Variants in SMOC1 observed in about 807,000 individuals in gnomAD.
SMOC1 encodes the protein SPARC-related modular calcium-binding protein 1.
Under a neutral mutation model 56.3 loss-of-function variants are expected in SMOC1, and 22 were observed. That is an observed-to-expected ratio of 0.39 (90% confidence interval 0.28 to 0.56). SMOC1 has a LOEUF of 0.56. SMOC1 is among the 20% of genes least tolerant of loss of function. SMOC1 has a pLI of 0.61. For synonymous variants in SMOC1, 193 were observed against 215.0 expected (o/e 0.90, Z 0.89); for missense variants, 509 against 565.4 (o/e 0.90, Z 1.01).
At chr14:69,954,027 A>G (rs889995958) in intron 3 of SMOC1, among the ~76,000 whole-genome samples, 1 of 122,846 alleles carries the variant, frequency 8.1e-6, no homozygotes, top group Non-Finnish European at 1.7e-5. Flanking sequence ...GTGTGTGTGT[A>G]TACACATACA....
chr14:69,977,153 G>C, intron 4 of SMOC1, among the ~76,000 whole-genome samples: 1 of 152,228 alleles, frequency 6.6e-6, no homozygotes. Flanking sequence ...ACATGGATTA[G>C]GGAAATAGAG....
intron 1 of SMOC1, among the ~76,000 whole-genome samples, chr14:69,941,247 G>A (rs1455260858): frequency 6.6e-6 from 1 of 152,202 alleles, no homozygotes; most frequent in Non-Finnish European, 1.5e-5. Flanking sequence ...ATAGGATTTG[G>A]TTCTTGGTGC....
At chr14:69,914,646 G>A (rs563794694) in intron 1 of SMOC1, among the ~76,000 whole-genome samples, 3 of 152,304 alleles carry the variant, frequency 2.0e-5, no homozygotes, top group Admixed American at 6.5e-5. Context: ...ATTATCATGC[G>A]AGAAGATGCC....
At chr14:69,954,818 A>G (rs1381115576) in intron 3 of SMOC1, among the ~76,000 whole-genome samples, 1 of 152,170 alleles carries the variant, frequency 6.6e-6, no homozygotes, top group Non-Finnish European at 1.5e-5. Context: ...TTCTCGATCA[A>G]TGTGGCAAAG....
chr14:70,003,914 A>T (rs1885060813), intron 7 of SMOC1, among the ~76,000 whole-genome samples: 1 of 152,144 alleles, frequency 6.6e-6, no homozygotes, highest in Non-Finnish European at 1.5e-5. Context: ...TACATATACA[A>T]CCAGTAATAT....
intron 1 of SMOC1, among the ~76,000 whole-genome samples, chr14:69,919,852 A>G (rs35494931): frequency 0.082 from 12,407 of 151,860 alleles, 633 homozygotes; most frequent in Non-Finnish European, 0.12. Flanking sequence ...TTGGGTAAAG[A>G]TTATCCAATA....
Position 69,953,427 on chromosome 14 carries a change from C to G in SMOC1, c.273C>G (p.Gly91=). The G allele has an allele frequency of 6.2e-7, 1 of 1,614,144 alleles. No homozygotes were observed. Among genetic ancestry groups the G allele is most frequent in the Non-Finnish European group, 8.5e-7 (1 of 1,179,948 alleles). The change falls in exon 3 of 12, where the codon GGC becomes GGG. Residue 91 remains glycine (G), a synonymous_variant. Transcript: ENST00000361956. ...VVHRGRCKDA[G]QSKCRLERAQ... is the part of the protein sequence containing the mutation. ...GCTCCTCTCCTCTTTCAGATGCTGG[C>G]CAGAGCAAGTGTCGCCTGGAGCGGG...
chr14:70,014,477 T>C (rs1449661089), intron 10 of SMOC1, among the ~76,000 whole-genome samples: 1 of 152,132 alleles, frequency 6.6e-6, no homozygotes, highest in Non-Finnish European at 1.5e-5. Context: ...TCCAAGAAAG[T>C]GCATGTCTGT....
chr14:69,925,668 T>C (rs1884990761), intron 1 of SMOC1, among the ~76,000 whole-genome samples: 1 of 152,142 alleles, frequency 6.6e-6, no homozygotes. Flanking sequence ...GGGCACATAG[T>C]AGGTTCAAAT....
At chr14:69,956,825 C>T (rs184081530) in intron 3 of SMOC1, among the ~76,000 whole-genome samples, 4 of 152,268 alleles carry the variant, frequency 2.6e-5, no homozygotes, top group Non-Finnish European at 5.9e-5. Flanking sequence ...GTACATTAGA[C>T]CATGTTAGAC....
intron 3 of SMOC1, among the ~76,000 whole-genome samples, chr14:69,967,718 C>G (rs1043697640): frequency 7.9e-5 from 12 of 152,166 alleles, no homozygotes; most frequent in African/African-American, 2.9e-4. Flanking sequence ...TACCATGAAT[C>G]CTGTTTCATA....
chr14:69,938,708 T>C (rs967881785), intron 1 of SMOC1, among the ~76,000 whole-genome samples: 3 of 152,116 alleles, frequency 2.0e-5, no homozygotes, highest in African/African-American at 7.2e-5. Context: ...GGGTCTCTTA[T>C]AGGACACTGA....
chr14:69,885,607 C>T, intron 1 of SMOC1: 5 of 1,513,342 alleles, frequency 3.3e-6, no homozygotes, highest in Non-Finnish European at 4.5e-6. Context: ...AGTAAGGGAC[C>T]CCCATTTTAC....
chr14:69,979,124 T>C (rs998987629), intron 5 of SMOC1, among the ~76,000 whole-genome samples: 48 of 152,106 alleles, frequency 3.2e-4, no homozygotes, highest in African/African-American at 1.0e-3. Flanking sequence ...CTGAGGGTCA[T>C]TGTGAAGTTC....
chr14:70,013,342 A>G, intron 9 of SMOC1, 44 bp from the exon 10 acceptor site: 1 of 1,541,928 alleles, frequency 6.5e-7, no homozygotes, highest in Non-Finnish European at 9.0e-7. Flanking sequence ...TGTTGACTTG[A>G]TTATTATCTG....
intron 3 of SMOC1, among the ~76,000 whole-genome samples, chr14:69,959,599 A>G (rs1396615145): frequency 1.3e-5 from 2 of 152,044 alleles, no homozygotes; most frequent in Non-Finnish European, 2.9e-5. Flanking sequence ...CCCATTTTCT[A>G]ATTCTAACCA....
At position 70,019,815 on chromosome 14, in the gene SMOC1, G is replaced by C. The variant is rs139779933; in HGVS notation, c.1047-3388G>C. Reference sequence around the variant, plus strand: ...TTTGTTCAGTTAACAGAGGCCTCTTGGGTCTTCTTTTGCACAGACTTACTG... The same window carrying C: ...TTTGTTCAGTTAACAGAGGCCTCTTCGGTCTTCTTTTGCACAGACTTACTG... On this transcript the variant is annotated intron_variant, in intron 10 of 11. Coordinates refer to ENST00000361956, the MANE Select transcript of SMOC1 (RefSeq NM_001034852.3). Among the ~76,000 whole-genome samples, 592 of 152,294 alleles carry C rather than the reference G, an allele frequency of 3.9e-3. 5 individuals carry two copies. Among genetic ancestry groups the C allele is most frequent in the African/African-American group, 0.013 (548 of 41,568 alleles).
At chr14:69,974,866 C>G (rs553714998) in intron 3 of SMOC1, among the ~76,000 whole-genome samples, 2 of 152,156 alleles carry the variant, frequency 1.3e-5, no homozygotes, top group Admixed American at 1.3e-4. Context: ...TTGCCTTAAT[C>G]CCGTCATGTG....
At position 69,992,448 on chromosome 14, in the gene SMOC1, G is replaced by C; in HGVS notation, c.558G>C (p.Glu186Asp). The change falls in exon 6 of 12, where the codon GAG becomes GAC. Residue 186 changes from glutamate (E) to aspartate (D), a missense_variant. Coordinates refer to ENST00000361956, the MANE Select transcript of SMOC1 (RefSeq NM_001034852.3). The part of the protein sequence containing the change: ...DDGSKPTPTM[E>D]TQPVFDGDEI... ...GGTCTAAGCCGACACCCACGATGGA[G>C]ACCCAGCCGGTGTTCGATGGAGATG... 6.2e-7 allele frequency: 1 copy of C among 1,614,026 alleles called. No homozygotes were observed. Among genetic ancestry groups the C allele is most frequent in the Admixed American group, 1.7e-5 (1 of 60,022 alleles).
Sources: gnomAD v4.1 joint callset for allele counts (sites outside exome capture counted in the v4.1 genomes callset) on GRCh38, gnomAD v4.1.1 for gene constraint, MANE v1.5 for transcripts, NCBI Gene and HGNC (gene_info 2026-07-23, HGNC 2026-07-21) for gene names.